The following DSC2 variants were observed in gnomAD, a reference collection of about 807,000 sequenced individuals.
DSC2 encodes desmocollin 2.
A neutral mutation model predicts 87.6 loss-of-function variants in DSC2; 51 were observed. The observed-to-expected ratio is 0.58, with a 90% CI of 0.46 to 0.74. The LOEUF is 0.74. DSC2 is among the 30% of genes least tolerant of loss of function. DSC2 has a pLI of 0.00. For synonymous variants in DSC2, 383 were observed against 393.2 expected, an observed-to-expected ratio of 0.97 and a Z score of 0.31; for missense variants, 1,066 against 1,089.5, an observed-to-expected ratio of 0.98 and a Z score of 0.30.
At position 31,062,687 on chromosome 18, in the gene DSC2, A is replaced by G. The variant is rs1986524408; in HGVS notation, c.*5328T>C. On this transcript the variant is annotated 3_prime_UTR_variant, in exon 16 of 16. Transcript: ENST00000280904. ...GGGGGTTACATTTCAATATGGGGCA[A>G]TTATTGGTGGCTACAAGTAGGTTCG... 1 of 152,210 alleles carries G rather than the reference A, an allele frequency of 6.6e-6. No individual in the cohort carries two copies. Among genetic ancestry groups the G allele is most frequent in the Non-Finnish European group, 1.5e-5 (1 of 68,068 alleles). 9.4% of individuals were successfully genotyped at this position (152,210 alleles called of 1,614,324 possible).
At chr18:31,070,223 T>C (rs1357131259) in intron 14 of DSC2, among the ~76,000 whole-genome samples, 1 of 152,198 alleles carries the variant, frequency 6.6e-6, no homozygotes, top group Non-Finnish European at 1.5e-5. Flanking sequence ...GAAAGCAAAG[T>C]TGGAGAAATG....
Position 31,091,101 on chromosome 18 carries a change from T to C in DSC2, c.401A>G (p.Lys134Arg). The change falls in exon 4 of 16, where the codon AAG becomes AGG. Residue 134 changes from lysine to arginine, a missense_variant. By Grantham distance (26) the Lys-to-Arg change is conservative. Transcript: ENST00000280904. ...HTKEKVLRRA[K>R]RRWAPIPCSM... is the part of the protein sequence containing the mutation. ...ACAAGGAATTGGAGCCCATCTTCTC[T>C]TGGCGCGCCTTAGAACTTTTTCTTT... The C allele has an allele frequency of 6.2e-7, 1 of 1,614,082 alleles. No homozygotes were observed. The highest frequency in any genetic ancestry group is 8.5e-7 in the Non-Finnish European group (1 of 1,179,952).
At position 31,093,634 on chromosome 18, in the gene DSC2, A is replaced by C; in HGVS notation, c.79T>G (p.Phe27Val). The change falls in exon 2 of 16, where the codon TTT becomes GTT. Residue 27 changes from phenylalanine to valine, a missense_variant. By Grantham distance (50) the Phe-to-Val change is conservative. Transcript: ENST00000280904. ...LLLLTLAILI[F>V]ASDACKNVTL... The stretch of plus-strand genomic sequence containing the variant: ...ACATTTTTGCAGGCATCACTGGCAA[A>C]TATTAAGATCTAAAAAATGAAAAAA... The C allele has an allele frequency of 6.3e-7, 1 of 1,589,260 alleles. No individual in the cohort carries two copies. The highest frequency in any genetic ancestry group is 8.6e-7 in the Non-Finnish European group (1 of 1,164,198).
At chr18:31,092,374 T>C (rs1987632520) in intron 2 of DSC2, 74 bp from the exon 3 acceptor site, 1 of 1,341,910 alleles carries the variant, frequency 7.5e-7, no homozygotes, top group Admixed American at 1.8e-5. Flanking sequence ...TGTATGCACG[T>C]GGGGAGAGCC....
chr18:31,086,037 T>C (rs1987383756), intron 7 of DSC2, among the ~76,000 whole-genome samples: 1 of 151,940 alleles, frequency 6.6e-6, no homozygotes, highest in Admixed American at 6.6e-5. Flanking sequence ...TAGAAAATGA[T>C]TAATAGAGAA....
chr18:31,085,388 AAAG>A (rs1281062990), intron 7 of DSC2, among the ~76,000 whole-genome samples: 1 of 151,950 alleles, frequency 6.6e-6, no homozygotes, highest in East Asian at 1.9e-4. Context: ...GTAAGTACAA[AAAG>A]AAGAAAAAGT....
Position 31,080,918 on chromosome 18 carries a change from A to G in DSC2, c.1264-566T>C, listed in dbSNP as rs543601817. 1.6e-3 allele frequency among the ~76,000 whole-genome samples: 249 copies of G among 152,268 alleles called. 2 individuals carry two copies. Among genetic ancestry groups the G allele is most frequent in the African/African-American group, 5.8e-3 (241 of 41,550 alleles). ...GACAGAGGAGTTCTCCCACTGATTC[A>G]GTACTTGGGTAAAGCTGGAAAAAAA... is the stretch of plus-strand genomic sequence containing the variant. On this transcript the variant is annotated intron_variant, in intron 9 of 15. Coordinates refer to ENST00000280904, the MANE Select transcript of DSC2 (RefSeq NM_024422.6).
At chr18:31,097,301 A>G (rs1987794339) in intron 1 of DSC2, among the ~76,000 whole-genome samples, 3 of 151,776 alleles carry the variant, frequency 2.0e-5, no homozygotes, top group South Asian at 2.1e-4. Flanking sequence ...AAAAAAAAAA[A>G]AGAAATCATT....
rs1986603257 is a variant in DSC2, at chr18:31,065,893, T to A, written c.*2122A>T. On this transcript the variant is annotated 3_prime_UTR_variant, in exon 16 of 16. Transcript: ENST00000280904. ...AGGTGATCATTATGAAGAGACATGT[T>A]CTACAGTGAAAAGAAAAATCTTTTC... 1.3e-5 allele frequency: 2 copies of A among 152,236 alleles called. No individual in the cohort carries two copies. The highest frequency in any genetic ancestry group is 2.4e-5 in the African/African-American group (1 of 41,474). 9.4% of individuals were successfully genotyped at this position (152,236 alleles called of 1,614,324 possible).
At chr18:31,099,022 CAT>C (rs1335730447) in intron 1 of DSC2, among the ~76,000 whole-genome samples, 2 of 152,018 alleles carry the variant, frequency 1.3e-5, no homozygotes, top group African/African-American at 4.8e-5. Context: ...ATGGTACTGA[CAT>C]ATATTGAAAT....
rs28379678 is a variant in DSC2, at chr18:31,093,797, C to T, written c.70-154G>A. Among the ~76,000 whole-genome samples the T allele has an allele frequency of 0.32, 47,498 of 148,402 alleles. 8,436 individuals are homozygous for T. The highest frequency in any genetic ancestry group is 0.44 in the African/African-American group (18,133 of 40,848). On this transcript the variant is annotated intron_variant, in intron 1 of 15. Transcript: ENST00000280904. Reference sequence around the variant, plus strand: ...TTAATTATATTACATATTGACTACACTAAATATTAATTTTAAAATATTTAA... The same window carrying T: ...TTAATTATATTACATATTGACTACATTAAATATTAATTTTAAAATATTTAA...
intron 4 of DSC2, among the ~76,000 whole-genome samples, chr18:31,090,610 T>A (rs1280933029): frequency 6.6e-6 from 1 of 151,974 alleles, no homozygotes; most frequent in Non-Finnish European, 1.5e-5. Context: ...GAAAGAAATG[T>A]GGATCCAGTG....
chr18:31,084,758 T>C (rs1387239548), intron 7 of DSC2, among the ~76,000 whole-genome samples: 1 of 152,030 alleles, frequency 6.6e-6, no homozygotes, highest in East Asian at 1.9e-4. Context: ...AAACATAAAG[T>C]TAATCTGTCA....
At chr18:31,069,714 CAAAAAAAA>C in intron 14 of DSC2, among the ~76,000 whole-genome samples, 1 of 85,326 alleles carries the variant, frequency 1.2e-5, no homozygotes, top group East Asian at 4.0e-4. Flanking sequence ...GATCTTGTCT[CAAAAAAAA>C]AAAAAAAAAG....
Position 31,086,739 on chromosome 18 carries a change from G to A in DSC2, c.779C>T (p.Thr260Ile). 1 of 1,613,954 alleles carries A rather than the reference G, an allele frequency of 6.2e-7. No individual in the cohort carries two copies. The highest frequency in any genetic ancestry group is 8.5e-7 in the Non-Finnish European group (1 of 1,179,930). The change falls in exon 7 of 16, where the codon ACT (threonine) becomes ATT (isoleucine). Residue 260 changes from threonine to isoleucine, a missense_variant. Physicochemically the swap from Thr to Ile is moderately conservative, Grantham distance 89. Coordinates refer to ENST00000280904, the MANE Select transcript of DSC2 (RefSeq NM_024422.6). ...FTIFENCRVG[T>I]TVGQVCATDK... The stretch of plus-strand genomic sequence containing the variant: ...AGTAGCACACACTTGTCCCACAGTA[G>A]TGCCTAGAGAAGAAAAGTCCTTTTT...
chr18:31,096,435 C>T (rs1987763022), intron 1 of DSC2, among the ~76,000 whole-genome samples: 1 of 152,136 alleles, frequency 6.6e-6, no homozygotes, highest in African/African-American at 2.4e-5. Flanking sequence ...ACAGGGCCCA[C>T]CTAAGATCTA....
Position 31,097,150 on chromosome 18 carries a change from T to C in DSC2, c.70-3507A>G, listed in dbSNP as rs866591132. Among the ~76,000 whole-genome samples the C allele has an allele frequency of 9.2e-5, 14 of 151,472 alleles. 1 individual carries two copies. The East Asian group carries it at 1.6e-3, about 17-fold the overall frequency. On this transcript the variant is annotated intron_variant, in intron 1 of 15. Coordinates refer to ENST00000280904, the MANE Select transcript of DSC2 (RefSeq NM_024422.6). ...ACAAAAAAAAAAAATTAGCCAGGCG[T>C]GGTGGCGGGCACCGGTAGTCCCGGC...
chr18:31,083,068 C>A lies in DSC2; in HGVS notation c.943-8G>T, dbSNP rs1567978457. On this transcript the variant is annotated splice_polypyrimidine_tract_variant and splice_region_variant and intron_variant, in intron 7 of 15. Transcript: ENST00000280904. ...CTGGTACTTGTCAATTAACTGAAAACAAAAAAAGAATTTAATTATTGGGGG... is the reference window on the plus strand; with the variant it reads ...CTGGTACTTGTCAATTAACTGAAAAAAAAAAAAGAATTTAATTATTGGGGG... The A allele has an allele frequency of 6.2e-7, 1 of 1,608,084 alleles. No individual in the cohort carries two copies. Among genetic ancestry groups the A allele is most frequent in the Non-Finnish European group, 8.5e-7 (1 of 1,177,342 alleles).
In DSC2 at chr18:31,064,972, C is replaced by T. The variant is rs940957970; in HGVS notation, c.*3043G>A. On this transcript the variant is annotated 3_prime_UTR_variant, in exon 16 of 16. Coordinates refer to ENST00000280904, the MANE Select transcript of DSC2 (RefSeq NM_024422.6). ...AAAAAGTAATGATTACCAGGAGCCC[C>T]CAGACACACACTGCATGGAACAGAA... is the stretch of plus-strand genomic sequence containing the variant. 6.6e-6 allele frequency: 1 copy of T among 152,146 alleles called. No homozygotes were observed. Among genetic ancestry groups the T allele is most frequent in the Non-Finnish European group, 1.5e-5 (1 of 68,040 alleles). The allele number at this position is 152,146 out of a possible 1,614,324, so 9.4% of individuals were successfully genotyped here. A position where few individuals can be genotyped will look rare whatever the true frequency, so the allele number is the denominator to read the frequency against.
Sources: allele counts gnomAD v4.1 joint callset (sites outside exome capture counted in the v4.1 genomes callset), GRCh38; gene constraint gnomAD v4.1.1; transcripts MANE v1.5; gene names NCBI Gene and HGNC (gene_info 2026-07-23, HGNC 2026-07-21).